The following AHCYL2 variants were observed in gnomAD, a reference collection of about 807,000 sequenced individuals.
AHCYL2 encodes the protein S-adenosylhomocysteine hydrolase-like protein 2.
In AHCYL2, 28 loss-of-function variants were observed where a neutral mutation model predicts 81.4. The ratio of observed to expected loss-of-function variants is 0.34; its 90% CI spans 0.25 to 0.47. The LOEUF (loss-of-function observed/expected upper bound fraction) is 0.47. Ranked by LOEUF, AHCYL2 falls within the 20% of genes least tolerant of loss-of-function variation. The pLI is 1.00. For synonymous variants in AHCYL2, 272 were observed against 290.2 expected, an observed-to-expected ratio of 0.94 and a Z score of 0.64; for missense variants, 551 against 785.1, an observed-to-expected ratio of 0.70 and a Z score of 3.56.
At chr7:129,262,736 C>G (rs1356663154) in intron 1 of AHCYL2, among the ~76,000 whole-genome samples, 1 of 152,156 alleles carries the variant, frequency 6.6e-6, no homozygotes, top group Non-Finnish European at 1.5e-5. Flanking sequence ...TGGCTGGGAA[C>G]TCAGATTTCA....
rs186018332 is a variant in AHCYL2 at position 129,319,559 on chromosome 7, T to C, written c.364-60079T>C. Among the ~76,000 whole-genome samples the C allele has an allele frequency of 1.6e-3, 239 of 152,348 alleles. 1 individual carries two copies. Among genetic ancestry groups the C allele is most frequent in the Non-Finnish European group, 2.2e-3 (150 of 68,034 alleles). On this transcript the variant is annotated intron_variant, in intron 1 of 16. Transcript: ENST00000325006. ...TTGATGTCTCAGATTAGCAAGTACCTGGAAATTTGGTAATAAACTCTATTA... is the reference window on the plus strand; with the variant it reads ...TTGATGTCTCAGATTAGCAAGTACCCGGAAATTTGGTAATAAACTCTATTA...
chr7:129,385,928 A>G (rs1795179616), intron 2 of AHCYL2, among the ~76,000 whole-genome samples: 1 of 152,250 alleles, frequency 6.6e-6, no homozygotes, highest in African/African-American at 2.4e-5. Context: ...CTCAACTGTC[A>G]TCATGAGTTT....
At chr7:129,279,931 G>T (rs897241716) in intron 1 of AHCYL2, among the ~76,000 whole-genome samples, 3 of 152,032 alleles carry the variant, frequency 2.0e-5, no homozygotes, top group Non-Finnish European at 4.4e-5. Context: ...CTTCTTTACC[G>T]CATCCTGTTT....
At chr7:129,390,781 T>C in intron 4 of AHCYL2, among the ~76,000 whole-genome samples, 1 of 152,210 alleles carries the variant, frequency 6.6e-6, no homozygotes, top group East Asian at 1.9e-4. Flanking sequence ...TGGGCAGAAC[T>C]GGATCATGTA....
chr7:129,262,217 C>T (rs1386587613), intron 1 of AHCYL2, among the ~76,000 whole-genome samples: 3 of 151,990 alleles, frequency 2.0e-5, no homozygotes, highest in African/African-American at 2.4e-5. Flanking sequence ...TAGCAAGAGC[C>T]GCTGGCCAGG....
intron 4 of AHCYL2, among the ~76,000 whole-genome samples, chr7:129,390,139 A>C (rs918778704): frequency 1.3e-5 from 2 of 152,212 alleles, no homozygotes; most frequent in African/African-American, 2.4e-5. Context: ...TTGGCCCTGC[A>C]TGTCCACCAG....
chr7:129,288,364 A>C (rs117026553), intron 1 of AHCYL2, among the ~76,000 whole-genome samples: 1 of 151,874 alleles, frequency 6.6e-6, no homozygotes, highest in African/African-American at 2.4e-5. Context: ...TTTTAATTTA[A>C]TTTTATTTTA....
rs576577770 is a variant in AHCYL2, at chr7:129,419,766, A to G, written c.1462-3074A>G. Among the ~76,000 whole-genome samples, 3 of 152,060 alleles carry G rather than the reference A, an allele frequency of 2.0e-5. No individual in the cohort carries two copies. Among genetic ancestry groups the G allele is most frequent in the Non-Finnish European group, 4.4e-5 (3 of 67,988 alleles). ...AAAAACAAAAAAAAACCGGATATGC[A>G]CTGTTCAGAATTATATAAGACCAAT... is the stretch of plus-strand genomic sequence containing the variant. On this transcript the variant is annotated intron_variant, in intron 12 of 16. Transcript: ENST00000325006. This position sits in a 1 kb window ranked among gnomAD's most constrained non-coding sequence, Gnocchi z 4.7.
At position 129,225,111 on chromosome 7, in the gene AHCYL2, C is replaced by T; in HGVS notation, c.35C>T (p.Ala12Val). 1 of 1,600,760 alleles carries T rather than the reference C, an allele frequency of 6.2e-7. No homozygotes were observed. Among genetic ancestry groups the T allele is most frequent in the Non-Finnish European group, 8.5e-7 (1 of 1,174,888 alleles). The change falls in exon 1 of 17, where the codon GCC (alanine) becomes GTC (valine). Residue 12 changes from alanine (A) to valine (V), a missense_variant. Physicochemically the swap from Ala to Val is moderately conservative, Grantham distance 64. Transcript: ENST00000325006. ...CAGGTTGTGTCAGCCGCGGCTGCCG[C>T]CAAGGTGCCTGAGGTGGAGCTGAAG... ...SVQVVSAAAAAKVPEVELKDL... is the reference protein window; with the variant it reads ...SVQVVSAAAAVKVPEVELKDL...
At chr7:129,335,532 G>T (rs1333790367) in intron 1 of AHCYL2, among the ~76,000 whole-genome samples, 1 of 152,076 alleles carries the variant, frequency 6.6e-6, no homozygotes. Flanking sequence ...TGATTTTGTG[G>T]GTCAGGATTA....
intron 1 of AHCYL2, among the ~76,000 whole-genome samples, chr7:129,231,247 G>GA (rs530178520): frequency 4.6e-4 from 67 of 146,632 alleles, no homozygotes; most frequent in African/African-American, 9.5e-4. Context: ...TCAAAAAAAA[G>GA]AAAAAAAAAA....
Position 129,374,367 on chromosome 7 carries a change from T to C in AHCYL2, c.364-5271T>C, listed in dbSNP as rs149929960. 3.7e-4 allele frequency among the ~76,000 whole-genome samples: 56 copies of C among 152,278 alleles called. 1 individual carries two copies. The highest frequency in any genetic ancestry group is 1.2e-3 in the African/African-American group (51 of 41,556). On this transcript the variant is annotated intron_variant, in intron 1 of 16. Transcript: ENST00000325006. ...AGTGAGAATAATACTGCCTAATTCT[T>C]AAGATTCTTGTACAAATTAATAGAA...
chr7:129,363,234 T>A (rs1045283168), intron 1 of AHCYL2, among the ~76,000 whole-genome samples: 5 of 152,174 alleles, frequency 3.3e-5, no homozygotes, highest in African/African-American at 1.2e-4. Context: ...TATGCAGTGG[T>A]CTCACTCCTG....
At chr7:129,340,536 C>A (rs1296229716) in intron 1 of AHCYL2, among the ~76,000 whole-genome samples, 1 of 150,534 alleles carries the variant, frequency 6.6e-6, no homozygotes, top group East Asian at 2.0e-4. Flanking sequence ...CCACTGCACT[C>A]CAGCCTGGGA....
chr7:129,418,815 C>G (rs1433174390), intron 12 of AHCYL2, among the ~76,000 whole-genome samples: 2 of 152,134 alleles, frequency 1.3e-5, no homozygotes, highest in Non-Finnish European at 1.5e-5. Context: ...GGGATAACAG[C>G]AGGTTCTTTC....
intron 2 of AHCYL2, among the ~76,000 whole-genome samples, chr7:129,382,818 A>C (rs935629327): frequency 1.4e-4 from 22 of 152,192 alleles, no homozygotes; most frequent in Middle Eastern, 3.4e-3. Context: ...AGGCAGGAGA[A>C]TTGCTTGAAC....
At chr7:129,384,311 TTATGTTGCTAA>T (rs1398579567) in intron 2 of AHCYL2, among the ~76,000 whole-genome samples, 8 of 149,594 alleles carry the variant, frequency 5.3e-5, no homozygotes, top group South Asian at 4.2e-4. Context: ...ATCATATATA[TTATGTTGCTAA>T]TATGTTGCTA....
chr7:129,373,915 G>A (rs1393647946), intron 1 of AHCYL2, among the ~76,000 whole-genome samples: 1 of 152,140 alleles, frequency 6.6e-6, no homozygotes, highest in Admixed American at 6.5e-5. Flanking sequence ...GTGGGTGATG[G>A]TGAATATTCA....
At chr7:129,365,857 A>G (rs571903313) in intron 1 of AHCYL2, among the ~76,000 whole-genome samples, 2 of 151,946 alleles carry the variant, frequency 1.3e-5, no homozygotes, top group East Asian at 3.9e-4. Flanking sequence ...CACAAACACA[A>G]AAAGTGAGGA....
Sources: gnomAD v4.1 joint callset for allele counts (sites outside exome capture counted in the v4.1 genomes callset) on GRCh38, gnomAD v4.1.1 for gene constraint, Gnocchi (gnomAD v3.1) non-coding constraint, MANE v1.5 for transcripts, NCBI Gene and HGNC (gene_info 2026-07-23, HGNC 2026-07-21) for gene names.